Variants in DHX57 observed in about 807,000 individuals in gnomAD.
The protein encoded by DHX57 is DExH-box helicase 57.
DHX57 carries 105 observed loss-of-function variants against 156.2 expected under a neutral mutation model. The observed-to-expected ratio is 0.67, with a 90% confidence interval of 0.57 to 0.79. DHX57 has a LOEUF of 0.79. Ranked by LOEUF, DHX57 falls within the 30% of genes least tolerant of loss-of-function variation. The pLI is 0.00. For synonymous variants in DHX57, 704 were observed against 595.6 expected, an observed-to-expected ratio of 1.18 and a Z score of -2.65; for missense variants, 1,847 against 1,661.9, an observed-to-expected ratio of 1.11 and a Z score of -1.94.
At chr2:38,831,862 T>C (rs75469349) in intron 13 of DHX57, among the ~76,000 whole-genome samples, 3 of 144,030 alleles carry the variant, frequency 2.1e-5, no homozygotes, top group Non-Finnish European at 4.6e-5. Flanking sequence ...AAAAAAAAAT[T>C]ACAAAAATTA....
rs1024302222 is a variant in DHX57, at chr2:38,875,914, G to A, written c.-134C>T. ...AGCCCTGCGGTGGCCCAGCTGCAGC[G>A]GCACAGTCCCGGCGCCTTCTGATTG... is the stretch of plus-strand genomic sequence containing the variant. On this transcript the variant is annotated 5_prime_UTR_variant, in exon 1 of 24. Coordinates refer to ENST00000457308, the MANE Select transcript of DHX57 (RefSeq NM_198963.3). 8 of 396,608 alleles carry A rather than the reference G, an allele frequency of 2.0e-5. No homozygotes were observed. The highest frequency in any genetic ancestry group is 1.0e-4 in the African/African-American group (5 of 48,582). 24.6% of individuals were successfully genotyped at this position (396,608 alleles called of 1,614,324 possible). A position where few individuals can be genotyped will look rare whatever the true frequency, so the allele number is the denominator to read the frequency against.
At chr2:38,824,829 A>G (rs1413815943) in intron 16 of DHX57, among the ~76,000 whole-genome samples, 1 of 152,018 alleles carries the variant, frequency 6.6e-6, no homozygotes, top group Admixed American at 6.6e-5. Flanking sequence ...ATATTTTTTT[A>G]GTAGAGATGG....
At chr2:38,820,774 C>T (rs547027426) in intron 17 of DHX57, among the ~76,000 whole-genome samples, 1 of 150,982 alleles carries the variant, frequency 6.6e-6, no homozygotes, top group African/African-American at 2.4e-5. Flanking sequence ...AAACTGAATA[C>T]ATCCATTTAT....
At chr2:38,813,701 G>T in intron 21 of DHX57, 120 bp downstream of exon 21, 1 of 1,155,968 alleles carries the variant, frequency 8.7e-7, no homozygotes, top group Non-Finnish European at 1.3e-6. Context: ...AAAAGGGTGT[G>T]CGTGTGTGCA....
intron 11 of DHX57, among the ~76,000 whole-genome samples, chr2:38,846,369 C>A (rs1672288782): frequency 6.6e-6 from 1 of 151,850 alleles, no homozygotes; most frequent in African/African-American, 2.4e-5. Flanking sequence ...TGACTGTAAT[C>A]CCAGCACTTC....
chr2:38,872,080 C>T (rs370992523), intron 1 of DHX57, among the ~76,000 whole-genome samples: 12 of 152,294 alleles, frequency 7.9e-5, no homozygotes, highest in African/African-American at 2.9e-4. Flanking sequence ...GGGCTCTGCC[C>T]TCATGATCGA....
intron 22 of DHX57, 110 bp downstream of exon 22, chr2:38,806,449 G>T: frequency 8.7e-7 from 1 of 1,150,352 alleles, no homozygotes; most frequent in Non-Finnish European, 1.2e-6. Flanking sequence ...CTCAGTCAGT[G>T]GTATTGCTGG....
intron 1 of DHX57, among the ~76,000 whole-genome samples, chr2:38,875,379 A>C (rs980171667): frequency 3.3e-5 from 5 of 151,966 alleles, no homozygotes; most frequent in African/African-American, 7.3e-5. Context: ...ATCCAGCTCC[A>C]TCCAGATATC....
chr2:38,849,217 T>A (rs974220175), intron 9 of DHX57, among the ~76,000 whole-genome samples: 1 of 152,158 alleles, frequency 6.6e-6, no homozygotes, highest in Non-Finnish European at 1.5e-5. Flanking sequence ...TGAAATAACA[T>A]GAAGCAGATA....
intron 13 of DHX57, among the ~76,000 whole-genome samples, chr2:38,837,085 A>G (rs1671715981): frequency 6.6e-6 from 1 of 152,090 alleles, no homozygotes; most frequent in South Asian, 2.1e-4. Context: ...CTGGACTCAA[A>G]TGATTCACCT....
intron 13 of DHX57, among the ~76,000 whole-genome samples, chr2:38,836,915 C>T (rs185041238): frequency 3.3e-5 from 5 of 151,960 alleles, no homozygotes; most frequent in East Asian, 3.9e-4. Flanking sequence ...TGCAGTGGTG[C>T]GATCATGGCT....
intron 3 of DHX57, chr2:38,862,832 G>T (rs1673307670): frequency 6.5e-6 from 1 of 154,090 alleles, no homozygotes; most frequent in East Asian, 1.9e-4. Flanking sequence ...GAGATTTGTA[G>T]ATAGGATGGA....
chr2:38,826,892 AG>A (rs1378185990), intron 14 of DHX57, among the ~76,000 whole-genome samples: 2 of 152,162 alleles, frequency 1.3e-5, no homozygotes, highest in East Asian at 3.9e-4. Flanking sequence ...GCACTTTGGA[AG>A]GCTGAGGCAG....
At chr2:38,848,185 T>A in intron 10 of DHX57, 84 bp downstream of exon 10, 16 of 1,347,848 alleles carry the variant, frequency 1.2e-5, no homozygotes, top group Non-Finnish European at 1.6e-5. Flanking sequence ...GAAAGAGGTA[T>A]AAATATCTAC....
intron 1 of DHX57, among the ~76,000 whole-genome samples, chr2:38,874,401 ATTTTTTTTTTT>A (rs60727396): frequency 4.0e-5 from 3 of 75,460 alleles, no homozygotes; most frequent in African/African-American, 1.1e-4. Context: ...GAAATACTGT[ATTTTTTTTTTT>A]TTTTTTTTTT....
In DHX57 at chr2:38,847,087, G is replaced by A. The variant is rs1672328077; in HGVS notation, c.2165-14C>T. ...GAAATGTACGACCTAGAAAAACAAG[G>A]AGACAAAATAGAAAGCCTGAGAACA... On this transcript the variant is annotated splice_polypyrimidine_tract_variant and intron_variant, in intron 10 of 23. Transcript: ENST00000457308. 2 of 1,610,654 alleles carry A rather than the reference G, an allele frequency of 1.2e-6. No individual in the cohort carries two copies. The highest frequency in any genetic ancestry group is 1.7e-6 in the Non-Finnish European group (2 of 1,177,482).
chr2:38,868,010 A>G (rs1405295231), intron 2 of DHX57, among the ~76,000 whole-genome samples, 172 bp downstream of exon 2: 2 of 152,200 alleles, frequency 1.3e-5, no homozygotes, highest in African/African-American at 4.8e-5. Flanking sequence ...CATGCAACCT[A>G]CATACACACA....
rs754237817 is a variant in DHX57, at chr2:38,861,759, G to A, written c.651C>T (p.Leu217=). 6.2e-6 allele frequency: 10 copies of A among 1,614,016 alleles called. No homozygotes were observed. In the South Asian group the frequency reaches 8.8e-5, roughly 14 times the overall value. Reference sequence around the variant, plus strand: ...ATGTCTCTGAAAAACACTGGGTAAGGAGATGCTCTAGTGATGCTCCCACAT... The same window carrying A: ...ATGTCTCTGAAAAACACTGGGTAAGAAGATGCTCTAGTGATGCTCCCACAT... ...DGDVGASLEH[L]LTQCFSETFG... is the part of the protein sequence containing the mutation. The change falls in exon 5 of 24, where the codon CTC becomes CTT. Residue 217 remains leucine (L), a synonymous_variant. Transcript: ENST00000457308.
chr2:38,875,077 C>G (rs1342524758), intron 1 of DHX57, among the ~76,000 whole-genome samples: 1 of 152,166 alleles, frequency 6.6e-6, no homozygotes, highest in Non-Finnish European at 1.5e-5. Flanking sequence ...ACTTTTACAA[C>G]TAGATCTGAG....
Sources: allele counts gnomAD v4.1 joint callset (sites outside exome capture counted in the v4.1 genomes callset), GRCh38; gene constraint gnomAD v4.1.1; transcripts MANE v1.5; gene names NCBI Gene and HGNC (gene_info 2026-07-23, HGNC 2026-07-21).